The following DOCK2 variants were observed in gnomAD, a reference collection of about 807,000 sequenced individuals.
DOCK2 encodes dedicator of cytokinesis 2.
In DOCK2, 87 loss-of-function variants were observed where a neutral mutation model predicts 248.9. That is an observed-to-expected ratio of 0.35 (90% CI 0.29 to 0.42). DOCK2 has a LOEUF of 0.42. Among genes scored for constraint, DOCK2 ranks in the 10% least tolerant of loss-of-function variants. DOCK2 has a pLI of 1.00. For synonymous variants in DOCK2, 805 were observed against 821.6 expected, an observed-to-expected ratio of 0.98 and a Z score of 0.35; for missense variants, 1,747 against 2,300.2, an observed-to-expected ratio of 0.76 and a Z score of 4.92.
chr5:169,908,896 C>T (rs779105744), intron 27 of DOCK2, among the ~76,000 whole-genome samples: 3 of 151,960 alleles, frequency 2.0e-5, no homozygotes, highest in Non-Finnish European at 1.5e-5. Flanking sequence ...TCAAAACAAC[C>T]CTGAGGCATT....
intron 2 of DOCK2, among the ~76,000 whole-genome samples, chr5:169,660,929 T>A (rs575898801): frequency 6.6e-6 from 1 of 152,200 alleles, no homozygotes; most frequent in African/African-American, 2.4e-5. Context: ...GCGGCATGTC[T>A]ATTTGCTTTG....
At chr5:170,080,409 C>A in intron 50 of DOCK2, 126 bp downstream of exon 50, 1 of 1,441,778 alleles carries the variant, frequency 6.9e-7, no homozygotes. Context: ...GAGTGAGAGG[C>A]TCTGCTCATA....
At chr5:170,069,097 C>A in intron 45 of DOCK2, 40 bp from the exon 46 acceptor site, 4 of 1,585,208 alleles carry the variant, frequency 2.5e-6, no homozygotes, top group Admixed American at 1.7e-5. Flanking sequence ...TGAAATGCCA[C>A]ATGAACAGGA....
chr5:169,802,578 G>A (rs76019338), intron 25 of DOCK2, among the ~76,000 whole-genome samples: 19,785 of 152,010 alleles, frequency 0.13, 1,678 homozygotes, highest in Admixed American at 0.24. Context: ...AAATATTAGT[G>A]AGTGAAAAAA....
At chr5:169,837,013 G>A (rs1344101484) in intron 26 of DOCK2, among the ~76,000 whole-genome samples, 1 of 152,172 alleles carries the variant, frequency 6.6e-6, no homozygotes, top group Non-Finnish European at 1.5e-5. Flanking sequence ...AGGGTCAAGA[G>A]TGAGTCAGGA....
Position 170,028,498 on chromosome 5 carries a change from T to C in DOCK2, c.3467+550T>C, listed in dbSNP as rs367764573. The C allele has an allele frequency of 4.5e-4, 70 of 154,536 alleles. No homozygotes were observed. The South Asian group carries it at 8.7e-3, about 19-fold the overall frequency. The allele number at this position is 154,536 out of a possible 1,614,324, so 9.6% of individuals were successfully genotyped here. A position where few individuals can be genotyped will look rare whatever the true frequency, so the allele number is the denominator to read the frequency against. On this transcript the variant is annotated intron_variant, in intron 34 of 51. Coordinates refer to ENST00000520908, the MANE Select transcript of DOCK2 (RefSeq NM_004946.3). ...TGAACCTGGCTCTGCCTGACTCCAG[T>C]GTCCAGGCCAGGGGCAGACAGTGGA... is the stretch of plus-strand genomic sequence containing the variant.
intron 29 of DOCK2, among the ~76,000 whole-genome samples, chr5:169,989,932 T>C (rs1778164903): frequency 2.6e-5 from 4 of 152,226 alleles, no homozygotes. Flanking sequence ...CTGGATCTTG[T>C]CTACCTTTTC....
chr5:170,016,629 T>G (rs1431463663), intron 32 of DOCK2, among the ~76,000 whole-genome samples: 1 of 152,214 alleles, frequency 6.6e-6, no homozygotes, highest in Non-Finnish European at 1.5e-5. Flanking sequence ...AAATCACGGG[T>G]CTACAGCATG....
chr5:169,865,549 T>C (rs1173045475), intron 27 of DOCK2, among the ~76,000 whole-genome samples: 1 of 152,202 alleles, frequency 6.6e-6, no homozygotes, highest in Non-Finnish European at 1.5e-5. Context: ...TTGTCTTTCC[T>C]CCATGAGGAG....
chr5:169,982,068 CTT>C (rs59193932), intron 27 of DOCK2, among the ~76,000 whole-genome samples: 115 of 126,074 alleles, frequency 9.1e-4, no homozygotes, highest in Non-Finnish European at 9.6e-4. Context: ...GGTAAAAATG[CTT>C]TTTTTTTTTT....
Position 169,903,873 on chromosome 5 carries a change from G to A in DOCK2, c.2799+63021G>A, listed in dbSNP as rs576667750. ...CCAGCACTTTGGGAGGCCGAGGCAG[G>A]TGAATCACCTGAGGTCAGGAGTTCG... On this transcript the variant is annotated intron_variant, in intron 27 of 51. Transcript: ENST00000520908. Among the ~76,000 whole-genome samples, 394 of 152,060 alleles carry A rather than the reference G, an allele frequency of 2.6e-3. 5 individuals carry two copies. The highest frequency in any genetic ancestry group is 5.7e-4 in the Non-Finnish European group (39 of 67,990).
intron 27 of DOCK2, among the ~76,000 whole-genome samples, chr5:169,977,934 A>G (rs1777773763): frequency 1.3e-5 from 2 of 152,204 alleles, no homozygotes; most frequent in Admixed American, 1.3e-4. Flanking sequence ...TTACATAACC[A>G]GATGGCAGAC....
chr5:170,079,896 T>A (rs890230376), intron 49 of DOCK2: 1 of 402,598 alleles, frequency 2.5e-6, no homozygotes, highest in Non-Finnish European at 4.4e-6. Context: ...AAATGTCTTC[T>A]GTGTTTGTCG....
chr5:169,866,633 T>C (rs546860295), intron 27 of DOCK2, among the ~76,000 whole-genome samples: 37 of 152,354 alleles, frequency 2.4e-4, no homozygotes, highest in Non-Finnish European at 4.3e-4. Flanking sequence ...CCAGTGAATC[T>C]GTGTCCTCAG....
chr5:169,718,899 C>A (rs774967250), intron 22 of DOCK2, 108 bp downstream of exon 22: 5 of 1,403,168 alleles, frequency 3.6e-6, no homozygotes, highest in Non-Finnish European at 4.8e-6. Flanking sequence ...AACCAGCTGT[C>A]GATCAAAAAC....
chr5:169,812,084 A>G (rs557692937), intron 26 of DOCK2, among the ~76,000 whole-genome samples: 1 of 152,278 alleles, frequency 6.6e-6, no homozygotes, highest in South Asian at 2.1e-4. Context: ...TGGGTCCTCA[A>G]CCCTGGGTCC....
At chr5:169,795,072 C>T (rs889089858) in intron 25 of DOCK2, among the ~76,000 whole-genome samples, 4 of 152,182 alleles carry the variant, frequency 2.6e-5, no homozygotes, top group South Asian at 2.1e-4. Flanking sequence ...CATGTCAGTC[C>T]ACCCTCCCTG....
At chr5:169,808,990 C>T (rs1008920513) in intron 26 of DOCK2, among the ~76,000 whole-genome samples, 1 of 139,128 alleles carries the variant, frequency 7.2e-6, no homozygotes, top group Non-Finnish European at 1.6e-5. Flanking sequence ...TTTAAGGGTT[C>T]TGATTTTTTT....
In DOCK2 at chr5:169,990,626, C is replaced by A. The variant is rs868434797; in HGVS notation, c.2993+4704C>A. Among the ~76,000 whole-genome samples, 4 of 152,350 alleles carry A rather than the reference C, an allele frequency of 2.6e-5. No individual in the cohort carries two copies. In the South Asian group the frequency reaches 8.3e-4, roughly 32 times the overall value. ...CATTTTGTGTGTTGTAAAGGAGGCA[C>A]TGAAATGCTCTGTGGGAGAATAGGT... On this transcript the variant is annotated intron_variant, in intron 29 of 51. Coordinates refer to ENST00000520908, the MANE Select transcript of DOCK2 (RefSeq NM_004946.3).
Sources: allele counts gnomAD v4.1 joint callset (sites outside exome capture counted in the v4.1 genomes callset), GRCh38; gene constraint gnomAD v4.1.1; transcripts MANE v1.5; gene names NCBI Gene and HGNC (gene_info 2026-07-23, HGNC 2026-07-21).